Variants in LHFPL3 observed in about 807,000 individuals in gnomAD.
LHFPL3 encodes LHFPL tetraspan subfamily member 3.
Under a neutral mutation model 19.3 loss-of-function variants are expected in LHFPL3, and 5 were observed. The ratio of observed to expected loss-of-function variants is 0.26; its 90% confidence interval spans 0.14 to 0.54. LHFPL3 has a LOEUF of 0.54. Ranked by LOEUF, LHFPL3 falls within the 20% of genes least tolerant of loss-of-function variation. The pLI, the probability that LHFPL3 is intolerant of heterozygous loss-of-function variation, is 0.94. For missense variants in LHFPL3, 249 were observed against 307.4 expected, an observed-to-expected ratio of 0.81 and a Z score of 1.42; for synonymous variants, 133 against 126.2, an observed-to-expected ratio of 1.05 and a Z score of -0.36.
intron 1 of LHFPL3, among the ~76,000 whole-genome samples, chr7:104,708,657 A>G (rs1033358263): frequency 6.6e-6 from 1 of 152,158 alleles, no homozygotes; most frequent in African/African-American, 2.4e-5. Flanking sequence ...CACTACACAC[A>G]CACACTCATA....
At chr7:104,551,769 C>A (rs571237123) in intron 1 of LHFPL3, among the ~76,000 whole-genome samples, 1 of 152,114 alleles carries the variant, frequency 6.6e-6, no homozygotes, top group South Asian at 2.1e-4. Flanking sequence ...TAGAAGAAAA[C>A]TAAATAATTA....
chr7:104,550,665 G>A (rs1794647416), intron 1 of LHFPL3, among the ~76,000 whole-genome samples: 3 of 152,122 alleles, frequency 2.0e-5, no homozygotes, highest in Non-Finnish European at 2.9e-5. Flanking sequence ...AGTCAATTGC[G>A]CATGTTAGGA....
chr7:104,867,102 G>T lies in LHFPL3; in HGVS notation c.683-39085G>T, dbSNP rs540864777. ...GTGTGTAGAGGGAAATTTATAGCAC[G>T]AAATGCCCACAAGAGAAAGCAGGAA... On this transcript the variant is annotated intron_variant, in intron 2 of 2. Coordinates refer to ENST00000424859, the MANE Select transcript of LHFPL3 (RefSeq NM_199000.3). Among the ~76,000 whole-genome samples, 811 of 152,148 alleles carry T rather than the reference G, an allele frequency of 5.3e-3. 9 individuals are homozygous for T. The highest frequency in any genetic ancestry group is 0.014 in the African/African-American group (594 of 41,522).
At chr7:104,895,413 G>C (rs1019426337) in intron 2 of LHFPL3, 1 of 152,170 alleles carries the variant, frequency 6.6e-6, no homozygotes, top group Non-Finnish European at 1.5e-5. Flanking sequence ...CTTCACAACA[G>C]GTTTCTAATG....
chr7:104,843,338 G>A (rs929099899), intron 2 of LHFPL3, among the ~76,000 whole-genome samples: 1 of 152,160 alleles, frequency 6.6e-6, no homozygotes, highest in African/African-American at 2.4e-5. Context: ...TTCCACCTCC[G>A]TGGTGGAAGA....
At chr7:104,338,255 C>T (rs556999285) in intron 1 of LHFPL3, among the ~76,000 whole-genome samples, 29 of 151,912 alleles carry the variant, frequency 1.9e-4, no homozygotes, top group African/African-American at 5.5e-4. Context: ...CCCGCCACCA[C>T]GCCCGATTAA....
At chr7:104,882,566 T>C (rs913890412) in intron 2 of LHFPL3, among the ~76,000 whole-genome samples, 5 of 152,156 alleles carry the variant, frequency 3.3e-5, no homozygotes, top group Non-Finnish European at 5.9e-5. Flanking sequence ...ATTTCATTTA[T>C]ATGAAATGTC....
chr7:104,609,107 A>G (rs1296621798), intron 1 of LHFPL3, among the ~76,000 whole-genome samples: 2 of 152,194 alleles, frequency 1.3e-5, no homozygotes, highest in Admixed American at 6.5e-5. Context: ...TCTACTAAAA[A>G]TAAAAAAATT....
intron 1 of LHFPL3, among the ~76,000 whole-genome samples, chr7:104,586,708 G>A (rs1271448158): frequency 6.6e-6 from 1 of 152,070 alleles, no homozygotes; most frequent in Non-Finnish European, 1.5e-5. Flanking sequence ...AATTTTTATA[G>A]AAGGCAGCCA....
intron 1 of LHFPL3, among the ~76,000 whole-genome samples, chr7:104,603,143 C>T (rs1398355531): frequency 2.9e-5 from 1 of 34,158 alleles, no homozygotes; most frequent in East Asian, 1.1e-3. Flanking sequence ...TTTTCCCTTC[C>T]TTCCTTCCTT....
chr7:104,428,671 C>T (rs1361361491), intron 1 of LHFPL3, among the ~76,000 whole-genome samples: 2 of 152,130 alleles, frequency 1.3e-5, no homozygotes, highest in Non-Finnish European at 2.9e-5. Flanking sequence ...GAACTAATCA[C>T]TTAGGATTTA....
intron 1 of LHFPL3, among the ~76,000 whole-genome samples, chr7:104,331,671 C>T (rs1344364921): frequency 5.3e-5 from 8 of 152,024 alleles, no homozygotes; most frequent in African/African-American, 1.4e-4. Context: ...TAGTCTAGGC[C>T]GGGCGCAGTG....
At chr7:104,462,217 A>G (rs1271702832) in intron 1 of LHFPL3, among the ~76,000 whole-genome samples, 1 of 152,164 alleles carries the variant, frequency 6.6e-6, no homozygotes, top group Admixed American at 6.5e-5. Context: ...CGCTCTTCCT[A>G]TGTGATGCCC....
At chr7:104,474,070 C>G (rs1393403503) in intron 1 of LHFPL3, among the ~76,000 whole-genome samples, 2 of 152,206 alleles carry the variant, frequency 1.3e-5, no homozygotes, top group East Asian at 3.9e-4. Flanking sequence ...GGAAAATGTC[C>G]CAAGCTAGGG....
At chr7:104,424,804 A>T (rs1274652785) in intron 1 of LHFPL3, among the ~76,000 whole-genome samples, 1 of 151,944 alleles carries the variant, frequency 6.6e-6, no homozygotes. Flanking sequence ...ATCCTGGTTA[A>T]CATGGTGAAA....
intron 2 of LHFPL3, among the ~76,000 whole-genome samples, chr7:104,886,100 A>G (rs903762018): frequency 1.3e-5 from 2 of 152,188 alleles, no homozygotes; most frequent in Non-Finnish European, 2.9e-5. Context: ...TTTATTACAC[A>G]TTTATTTGCG....
At chr7:104,878,905 C>G (rs1325392381) in intron 2 of LHFPL3, among the ~76,000 whole-genome samples, 1 of 152,148 alleles carries the variant, frequency 6.6e-6, no homozygotes, top group Non-Finnish European at 1.5e-5. Flanking sequence ...ATCTAGACAA[C>G]TAAAACTTTT....
Position 104,404,714 on chromosome 7 carries a change from T to C in LHFPL3, c.445+75490T>C, listed in dbSNP as rs916677510. ...TAGGAGGTAGAATAACTGAGTTCCA[T>C]GTTTCTGACCTGAAAAATTCAGGTG... On this transcript the variant is annotated intron_variant, in intron 1 of 2. Transcript: ENST00000424859. Among the ~76,000 whole-genome samples, 5 of 152,188 alleles carry C rather than the reference T, an allele frequency of 3.3e-5. No homozygotes were observed. The East Asian group carries it at 7.7e-4, about 23-fold the overall frequency.
chr7:104,478,862 C>G (rs1335852717), intron 1 of LHFPL3, among the ~76,000 whole-genome samples: 1 of 152,182 alleles, frequency 6.6e-6, no homozygotes, highest in Non-Finnish European at 1.5e-5. Context: ...TGAGCACTGA[C>G]TGAGTATTAG....
Sources: gnomAD v4.1 joint callset for allele counts (sites outside exome capture counted in the v4.1 genomes callset) on GRCh38, gnomAD v4.1.1 for gene constraint, MANE v1.5 for transcripts, NCBI Gene and HGNC (gene_info 2026-07-23, HGNC 2026-07-21) for gene names.